Variants in C5orf22 observed in about 807,000 individuals in gnomAD.
The protein encoded by C5orf22 is chromosome 5 open reading frame 22, also known as UPF0489 protein C5orf22.
In C5orf22, 36 loss-of-function variants were observed where a neutral mutation model predicts 48.7. The ratio of observed to expected loss-of-function variants is 0.74; its 90% CI spans 0.57 to 0.98. C5orf22 has a LOEUF of 0.98. Ranked by LOEUF, C5orf22 falls within the 50% of genes least tolerant of loss-of-function variation. The probability of loss-of-function intolerance (pLI) is 0.00; values close to 1 mark genes in which losing one functional copy is unlikely to be tolerated. For missense variants in C5orf22, 486 were observed against 521.9 expected (o/e 0.93, Z 0.67); for synonymous variants, 141 against 180.8 (o/e 0.78, Z 1.76).
At position 31,532,337 on chromosome 5, in the gene C5orf22, T is replaced by C. The variant is rs1281192953; in HGVS notation, c.-56T>C. On this transcript the variant is annotated 5_prime_UTR_variant, in exon 1 of 9. Coordinates refer to ENST00000325366, the MANE Select transcript of C5orf22 (RefSeq NM_018356.3). ...GCTGGCCGGGATGAGGCGCCGGCTT[T>C]CCCGGGTCTTCTCCAGCTGCCACCG... 1.3e-6 allele frequency: 2 copies of C among 1,581,830 alleles called. No individual in the cohort carries two copies. Among genetic ancestry groups the C allele is most frequent in the Non-Finnish European group, 1.7e-6 (2 of 1,151,570 alleles).
chr5:31,532,519 C>T, intron 1 of C5orf22, 46 bp downstream of exon 1: 2 of 1,552,770 alleles, frequency 1.3e-6, no homozygotes, highest in Admixed American at 1.7e-5. Context: ...AGCGGAAGCC[C>T]TGACGCTCAG....
At chr5:31,552,180 C>A (rs1743319684) in intron 8 of C5orf22, among the ~76,000 whole-genome samples, 1 of 152,130 alleles carries the variant, frequency 6.6e-6, no homozygotes, top group East Asian at 1.9e-4. Flanking sequence ...GGAAAGACTC[C>A]CAAAATACAG....
chr5:31,536,489 C>T (rs952037539), intron 3 of C5orf22, among the ~76,000 whole-genome samples: 8 of 152,180 alleles, frequency 5.3e-5, no homozygotes, highest in African/African-American at 1.9e-4. Flanking sequence ...TGCCACTGTA[C>T]TCCAGCCTGG....
chr5:31,551,207 A>C, intron 7 of C5orf22, 86 bp from the exon 8 acceptor site: 1 of 1,299,980 alleles, frequency 7.7e-7, no homozygotes, highest in African/African-American at 1.5e-5. Context: ...ATAAAAGTAA[A>C]GATTTGTCAA....
chr5:31,544,350 A>G (rs1301504346), intron 6 of C5orf22, among the ~76,000 whole-genome samples: 1 of 152,124 alleles, frequency 6.6e-6, no homozygotes, highest in African/African-American at 2.4e-5. Context: ...TTGGGAGGCC[A>G]AGGCGGGCGG....
In C5orf22 at chr5:31,538,381, A is replaced by G. The variant is rs542385959; in HGVS notation, c.499A>G (p.Asn167Asp). 6.2e-7 allele frequency: 1 copy of G among 1,614,196 alleles called. No individual in the cohort carries two copies. Among genetic ancestry groups the G allele is most frequent in the African/African-American group, 1.3e-5 (1 of 75,054 alleles). Residue 167 changes from asparagine to aspartate, a missense_variant, in exon 4 of 9, where the codon AAT becomes GAT. By Grantham distance (23) the Asn-to-Asp change is conservative. This residue lies in a region of C5orf22 where 408 missense variants were observed against 444.0 expected (regional missense o/e 0.92). Coordinates refer to ENST00000325366, the MANE Select transcript of C5orf22 (RefSeq NM_018356.3). ...IMVKPYKLCN[N>D]QEENDAVSSA... is the part of the protein sequence containing the mutation. ...GGTAAAACCTTATAAACTCTGTAAC[A>G]ATCAAGAAGAAAACGATGCAGTGTC...
At chr5:31,542,931 G>T (rs897251366) in intron 6 of C5orf22, among the ~76,000 whole-genome samples, 3 of 152,098 alleles carry the variant, frequency 2.0e-5, no homozygotes, top group Non-Finnish European at 4.4e-5. Flanking sequence ...AGTACTTTAG[G>T]CCAGAACATG....
At chr5:31,541,169 A>T in intron 5 of C5orf22, 112 bp from the exon 6 acceptor site, 3 of 1,166,104 alleles carry the variant, frequency 2.6e-6, no homozygotes, top group Non-Finnish European at 3.7e-6. Context: ...GCCCATGGTT[A>T]GTACTTGAAA....
chr5:31,541,706 G>T (rs6862993), intron 6 of C5orf22, among the ~76,000 whole-genome samples: 4,292 of 152,288 alleles, frequency 0.028, 82 homozygotes, highest in Middle Eastern at 0.051. Flanking sequence ...CAAGGAGTTT[G>T]AGGCTGTAGT....
rs1412710554 is a variant in C5orf22 at position 31,547,377 on chromosome 5, G to A, written c.1059+1665G>A. On this transcript the variant is annotated intron_variant, in intron 7 of 8. Transcript: ENST00000325366. ...AGCTGTCAGTGGATCTACCATTCTG[G>A]GATCTGGAGGACGGACAGTGGCCCT... Among the ~76,000 whole-genome samples, 3 of 152,214 alleles carry A rather than the reference G, an allele frequency of 2.0e-5. No individual in the cohort carries two copies. The East Asian group carries it at 5.8e-4, about 29-fold the overall frequency.
intron 8 of C5orf22, 132 bp from the exon 9 acceptor site, chr5:31,552,641 C>A: frequency 1.4e-6 from 1 of 703,304 alleles, no homozygotes. Context: ...CACTAGCTTT[C>A]AATTGATATT....
rs750859772 is a variant in C5orf22, at chr5:31,551,293, G to T, written c.1060G>T (p.Val354Phe). ...KRMEVPDYEM[V>F]HQAGLTCDYS... ...TAATTTTTAATTGTCTTATTTTCAG[G>T]TTCACCAGGCTGGTTTAACCTGCGA... The change falls in exon 8 of 9, where the codon GTT becomes TTT. Residue 354 changes from valine to phenylalanine, a missense_variant and splice_region_variant. This residue lies in a region of C5orf22 where 408 missense variants were observed against 444.0 expected (regional missense o/e 0.92). Transcript: ENST00000325366. 13 of 1,612,458 alleles carry T rather than the reference G, an allele frequency of 8.1e-6. No individual in the cohort carries two copies. Among genetic ancestry groups the T allele is most frequent in the African/African-American group, 1.3e-5 (1 of 74,930 alleles).
chr5:31,541,089 C>A, intron 5 of C5orf22, 78 bp downstream of exon 5: 1 of 1,211,308 alleles, frequency 8.3e-7, no homozygotes, highest in Non-Finnish European at 1.2e-6. Flanking sequence ...CCACAGTGAT[C>A]TCAAAGACTG....
chr5:31,551,271 T>C, intron 7 of C5orf22, 22 bp from the exon 8 acceptor site: 1 of 1,610,720 alleles, frequency 6.2e-7, no homozygotes, highest in African/African-American at 1.3e-5. Context: ...TACAGTGTAA[T>C]TTTTAATTGT....
intron 7 of C5orf22, among the ~76,000 whole-genome samples, chr5:31,550,683 A>AAG (rs1743198663): frequency 1.3e-5 from 2 of 151,808 alleles, no homozygotes; most frequent in African/African-American, 4.8e-5. Context: ...CTCCTGCCTT[A>AAG]GCAGGAGAAG....
At chr5:31,549,478 T>C (rs79349013) in intron 7 of C5orf22, among the ~76,000 whole-genome samples, 3,277 of 150,310 alleles carry the variant, frequency 0.022, 115 homozygotes, top group African/African-American at 0.076. Flanking sequence ...TTTTTTTTTT[T>C]CCCCTGGGAG....
intron 6 of C5orf22, among the ~76,000 whole-genome samples, chr5:31,543,902 TATG>T (rs1334200040): frequency 4.6e-5 from 7 of 151,876 alleles, no homozygotes; most frequent in South Asian, 2.1e-4. Context: ...GACTTGAAAA[TATG>T]ATGAGACTGC....
At chr5:31,540,905 A>AC (rs767151618) in intron 4 of C5orf22, 44 bp from the exon 5 acceptor site, 1 of 1,394,790 alleles carries the variant, frequency 7.2e-7, no homozygotes, top group Non-Finnish European at 1.0e-6. Context: ...AAAAATTTTA[A>AC]CTTTTTTTTT....
At position 31,535,838 on chromosome 5, in the gene C5orf22, A is replaced by G. The variant is rs775786385; in HGVS notation, c.322A>G (p.Arg108Gly). Residue 108 changes from arginine to glycine, a missense_variant, in exon 3 of 9, where the codon AGA (arginine) becomes GGA (glycine). Physicochemically the swap from Arg to Gly is moderately radical, Grantham distance 125 (BLOSUM62 -2). Around this residue, in one of 3 missense-constraint regions of C5orf22, gnomAD observed 408 missense variants for 444.0 expected, o/e 0.92. Coordinates refer to ENST00000325366, the MANE Select transcript of C5orf22 (RefSeq NM_018356.3). ...TCATCCCACATGGGCTCAGCAGATC[A>G]GAGAGGGCAGACACCACTTTTTAGT... ...WFHPTWAQQI[R>G]EGRHHFLVGK... 3 of 1,613,786 alleles carry G rather than the reference A, an allele frequency of 1.9e-6. No individual in the cohort carries two copies. The highest frequency in any genetic ancestry group is 1.1e-5 in the South Asian group (1 of 90,978).
Sources: gnomAD v4.1 joint callset for allele counts (sites outside exome capture counted in the v4.1 genomes callset) on GRCh38, gnomAD v4.1.1 for gene constraint, gnomAD v4.1.1 regional missense constraint, MANE v1.5 for transcripts, NCBI Gene and HGNC (gene_info 2026-07-23, HGNC 2026-07-21) for gene names.